Variants in KCTD1 observed in about 807,000 individuals in gnomAD.
KCTD1 encodes the protein BTB/POZ domain-containing protein KCTD1.
Under a neutral mutation model 66.0 loss-of-function variants are expected in KCTD1, and 24 were observed. That is an observed-to-expected ratio of 0.36 (90% CI 0.26 to 0.51). The LOEUF (loss-of-function observed/expected upper bound fraction) is 0.51, where lower values mean the gene tolerates loss of function less well. KCTD1 is among the 20% of genes least tolerant of loss of function. The pLI is 0.95. For missense variants in KCTD1, 943 were observed against 1,205.2 expected (o/e 0.78, Z 3.22); for synonymous variants, 511 against 517.2 (o/e 0.99, Z 0.16).
rs1401891643 is a variant in KCTD1 at position 26,656,975 on chromosome 18, G to A, written c.9+385C>T. Among the ~76,000 whole-genome samples, 27 of 149,518 alleles carry A rather than the reference G, an allele frequency of 1.8e-4. 1 individual carries two copies. Among genetic ancestry groups the A allele is most frequent in the Admixed American group, 1.3e-3 (19 of 15,140 alleles). On this transcript the variant is annotated intron_variant, in intron 1 of 4. Coordinates refer to the KCTD1 transcript ENST00000580191. The stretch of plus-strand genomic sequence containing the variant: ...CTGGCGCGCGGAGCGGCGGGCGGGC[G>A]GCTCTGGCACGGGCTCCCAGAGCCA...
chr18:26,485,393 C>T (rs1025439980), intron 2 of KCTD1, among the ~76,000 whole-genome samples: 7 of 152,214 alleles, frequency 4.6e-5, no homozygotes, highest in African/African-American at 9.7e-5. Context: ...AAGCACTGTG[C>T]GTGGCCTTGG....
Position 26,476,486 on chromosome 18 carries a change from C to T in KCTD1, c.2133+29G>A. Reference sequence around the variant, plus strand: ...CACATAAAAAAATCACATATTTATGCTATTGGTGATTTAACATGGATCCCT... The same window carrying T: ...CACATAAAAAAATCACATATTTATGTTATTGGTGATTTAACATGGATCCCT... On this transcript the variant is annotated intron_variant, in intron 3 of 4. Coordinates refer to ENST00000580059, the MANE Select transcript of KCTD1 (RefSeq NM_001142730.3). The surrounding 1 kb of genome is among the most constrained non-coding windows in gnomAD (Gnocchi z 4.9). The T allele has an allele frequency of 1.3e-6, 2 of 1,584,610 alleles. No individual in the cohort carries two copies. The highest frequency in any genetic ancestry group is 1.7e-6 in the Non-Finnish European group (2 of 1,169,266).
chr18:26,503,171 C>T (rs1038482468), intron 1 of KCTD1, among the ~76,000 whole-genome samples: 1 of 152,002 alleles, frequency 6.6e-6, no homozygotes, highest in Non-Finnish European at 1.5e-5. Context: ...ATCGGCTGGT[C>T]GGCTCAAGGG....
intron 1 of KCTD1, among the ~76,000 whole-genome samples, chr18:26,564,818 G>T (rs1221963718): frequency 6.6e-6 from 1 of 151,970 alleles, no homozygotes; most frequent in Non-Finnish European, 1.5e-5. Context: ...GAACCCGGGA[G>T]GCAGAGGTTT....
rs1362677916 is a variant in KCTD1, at chr18:26,547,999, C to A, written c.538G>T (p.Val180Leu). The stretch of plus-strand genomic sequence containing the variant: ...CTCAGGTACTCCCGGAAGATGCGCA[C>A]GGCGTAGCGGGTGGCCAGCCGGGTG... Reference protein sequence around the residue: ...ENTRLATRYAVRIFREYLSEK... With the variant: ...ENTRLATRYALRIFREYLSEK... The change falls in exon 1 of 5, where the codon GTG becomes TTG. Residue 180 changes from valine to leucine, a missense_variant. Val to Leu is a conservative substitution (Grantham distance 32, BLOSUM62 1). This residue lies in a region of KCTD1 where 96 missense variants were observed against 132.5 expected (regional missense o/e 0.72). Coordinates refer to ENST00000580059, the MANE Select transcript of KCTD1 (RefSeq NM_001142730.3). The A allele has an allele frequency of 6.5e-7, 1 of 1,534,456 alleles. No individual in the cohort carries two copies. The highest frequency in any genetic ancestry group is 1.4e-5 in the African/African-American group (1 of 72,962).
chr18:26,490,240 T>C (rs1982127279), intron 2 of KCTD1, among the ~76,000 whole-genome samples: 1 of 152,164 alleles, frequency 6.6e-6, no homozygotes, highest in Non-Finnish European at 1.5e-5. Flanking sequence ...ATGTGGATTG[T>C]GGGGAAACTT....
intron 1 of KCTD1, chr18:26,600,220 G>A (rs1463328182): frequency 5.0e-6 from 8 of 1,602,292 alleles, no homozygotes; most frequent in Non-Finnish European, 6.8e-6. Context: ...GCCCAAGTCG[G>A]CTTGTGGAAA....
At chr18:26,554,243 G>A (rs1407234453) in intron 1 of KCTD1, among the ~76,000 whole-genome samples, 1 of 150,218 alleles carries the variant, frequency 6.7e-6, no homozygotes, top group Non-Finnish European at 1.5e-5. Flanking sequence ...AAAGACGAAA[G>A]ACAGAGAGAA....
chr18:26,629,321 C>G (rs1987569212), upstream of KCTD1: 1 of 350,516 alleles, frequency 2.9e-6, no homozygotes, highest in South Asian at 1.1e-4. Context: ...GCTAACCAAC[C>G]ATAAGTGAAA....
At chr18:26,591,040 A>AT (rs939659812) in intron 1 of KCTD1, among the ~76,000 whole-genome samples, 9 of 151,534 alleles carry the variant, frequency 5.9e-5, no homozygotes, top group Admixed American at 1.3e-4. Context: ...AAATCACTGA[A>AT]TTTTTTTTTC....
At chr18:26,560,320 C>T (rs534459867) in intron 1 of KCTD1, among the ~76,000 whole-genome samples, 20 of 152,242 alleles carry the variant, frequency 1.3e-4, no homozygotes, top group African/African-American at 3.4e-4. Context: ...CCTCCAGCCA[C>T]GTGTGAGCCC....
chr18:26,476,377 A>T lies in KCTD1; in HGVS notation c.2133+138T>A. On this transcript the variant is annotated intron_variant, in intron 3 of 4. Transcript: ENST00000580059. The surrounding 1 kb of genome is among the most constrained non-coding windows in gnomAD (Gnocchi z 4.9). Reference sequence around the variant, plus strand: ...AATGGCCATAACCACTATTTCATGAATAGTGAACCATGTCAAAGAGAACTC... The same window carrying T: ...AATGGCCATAACCACTATTTCATGATTAGTGAACCATGTCAAAGAGAACTC... 1 of 728,674 alleles carries T rather than the reference A, an allele frequency of 1.4e-6. No homozygotes were observed. The allele number at this position is 728,674 out of a possible 1,614,324, so 45.1% of individuals were successfully genotyped here.
intron 3 of KCTD1, among the ~76,000 whole-genome samples, chr18:26,463,441 C>T (rs1263603768): frequency 4.6e-5 from 7 of 152,032 alleles, no homozygotes; most frequent in South Asian, 2.1e-4. Flanking sequence ...AAAAAAGGCA[C>T]CATCCATATT....
Position 26,548,219 on chromosome 18 carries a change from C to A in KCTD1, c.318G>T (p.Glu106Asp). 6.6e-7 allele frequency: 1 copy of A among 1,509,704 alleles called. No homozygotes were observed. Among genetic ancestry groups the A allele is most frequent in the African/African-American group, 1.4e-5 (1 of 72,002 alleles). The allele number at this position is 1,509,704 out of a possible 1,614,324, so 93.5% of individuals were successfully genotyped here. Reference protein sequence around the residue: ...EMGLDWDEPLEPEDSAGEELE... With the variant: ...EMGLDWDEPLDPEDSAGEELE... ...GCTCCTCCCCGGCCGAGTCCTCGGG[C>A]TCCAGGGGCTCGTCCCAGTCCAGCC... is the stretch of plus-strand genomic sequence containing the variant. Residue 106 changes from glutamate to aspartate, a missense_variant, in exon 1 of 5, where the codon GAG becomes GAT. Around this residue, in one of 10 missense-constraint regions of KCTD1, gnomAD observed 236 missense variants for 206.6 expected, o/e 1.14. Transcript: ENST00000580059.
chr18:26,494,432 T>G (rs1171864199), intron 2 of KCTD1, among the ~76,000 whole-genome samples: 1 of 152,192 alleles, frequency 6.6e-6, no homozygotes, highest in Non-Finnish European at 1.5e-5. Flanking sequence ...AGGCACTGTA[T>G]GGCTATCTTT....
rs143358280 is a variant in KCTD1 at position 26,477,152 on chromosome 18, A to T, written c.1989-493T>A. Among the ~76,000 whole-genome samples the T allele has an allele frequency of 1.1e-3, 169 of 152,374 alleles. 3 individuals carry two copies. The highest frequency in any genetic ancestry group is 0.011 in the Admixed American group (162 of 15,304). ...TATGTTGACATCTACATTTAATTAT[A>T]TAAAAAAGAATAATTTAAAATGTCA... On this transcript the variant is annotated intron_variant, in intron 2 of 4. Coordinates refer to ENST00000580059, the MANE Select transcript of KCTD1 (RefSeq NM_001142730.3).
intron 1 of KCTD1, among the ~76,000 whole-genome samples, chr18:26,582,271 T>TAA (rs34642580): frequency 1.2e-4 from 17 of 143,992 alleles, no homozygotes; most frequent in East Asian, 6.0e-4. Context: ...ACACCCCGTC[T>TAA]AAAAAAAAAA....
At chr18:26,458,869 C>T (rs1980248285) in intron 4 of KCTD1, 2 of 152,276 alleles carry the variant, frequency 1.3e-5, no homozygotes, top group African/African-American at 4.8e-5. Flanking sequence ...CTTGTTTCTC[C>T]TATTCTCTAG....
rs184694408 is a variant in KCTD1, at chr18:26,617,849, A to G, written c.-16+11298T>C. 1.7e-4 allele frequency among the ~76,000 whole-genome samples: 18 copies of G among 104,928 alleles called. 1 individual carries two copies. The highest frequency in any genetic ancestry group is 3.7e-4 in the African/African-American group (9 of 24,018). The allele number at this position is 104,928 out of a possible 152,430, so 68.8% of individuals were successfully genotyped here. Reference sequence around the variant, plus strand: ...CAGAGGAAGAAGGAAGGAAGGAAGGAAGGGAGGGAGGGAGGGAGGGAGGGA... The same window carrying G: ...CAGAGGAAGAAGGAAGGAAGGAAGGGAGGGAGGGAGGGAGGGAGGGAGGGA... On this transcript the variant is annotated intron_variant, in intron 1 of 4. Transcript: ENST00000317932.
Sources: gnomAD v4.1 joint callset for allele counts (sites outside exome capture counted in the v4.1 genomes callset) on GRCh38, gnomAD v4.1.1 for gene constraint, gnomAD v4.1.1 regional missense constraint, Gnocchi (gnomAD v3.1) non-coding constraint, MANE v1.5 for transcripts, NCBI Gene and HGNC (gene_info 2026-07-23, HGNC 2026-07-21) for gene names.